Variants in MPI observed in about 807,000 individuals in gnomAD.
MPI encodes mannose-6-phosphate isomerase.
A neutral mutation model predicts 40.1 loss-of-function variants in MPI; 33 were observed. That is an observed-to-expected ratio of 0.82 (90% CI 0.62 to 1.10). The LOEUF is 1.10. Among genes scored for constraint, MPI ranks in the 50% least tolerant of loss-of-function variants. The pLI is 0.00. For synonymous variants in MPI, 187 were observed against 207.4 expected (o/e 0.90, Z 0.85); for missense variants, 514 against 524.1 (o/e 0.98, Z 0.19).
chr15:74,891,409 G>A lies in MPI; in HGVS notation c.175G>A (p.Ala59Thr). Residue 59 changes from alanine to threonine, a missense_variant, in exon 3 of 8, where the codon GCC becomes ACC. Physicochemically the swap from Ala to Thr is moderately conservative, Grantham distance 58 (BLOSUM62 0). Transcript: ENST00000352410. The stretch of plus-strand genomic sequence containing the variant: ...GATGGGGACTCACCCCCGAGGGGAT[G>A]CCAAGATCCTTGACAACCGCATCTC... ...LWMGTHPRGD[A>T]KILDNRISQK... 1 of 1,614,178 alleles carries A rather than the reference G, an allele frequency of 6.2e-7. No homozygotes were observed. Among genetic ancestry groups the A allele is most frequent in the Non-Finnish European group, 8.5e-7 (1 of 1,180,038 alleles).
rs1042476793 is a variant in MPI at position 74,898,171 on chromosome 15, G to C, written c.*441G>C. 9 of 329,004 alleles carry C rather than the reference G, an allele frequency of 2.7e-5. No homozygotes were observed. The highest frequency in any genetic ancestry group is 4.8e-5 in the Non-Finnish European group (8 of 166,084). The allele number at this position is 329,004 out of a possible 1,614,324, so 20.4% of individuals were successfully genotyped here. A position where few individuals can be genotyped will look rare whatever the true frequency, so the allele number is the denominator to read the frequency against. On this transcript the variant is annotated 3_prime_UTR_variant, in exon 8 of 8. Coordinates refer to ENST00000352410, the MANE Select transcript of MPI (RefSeq NM_002435.3). The stretch of plus-strand genomic sequence containing the variant: ...AGGAAAGGGAAAGGGTAGGCCTGTA[G>C]ACTAACGCTGTTTACACCCTTGTTC...
chr15:74,894,733 G>C (rs2064791497), intron 5 of MPI, among the ~76,000 whole-genome samples: 1 of 150,158 alleles, frequency 6.7e-6, no homozygotes, highest in South Asian at 2.1e-4. Context: ...GTTGCAGTGA[G>C]TCTAGATTGC....
At position 74,891,169 on chromosome 15, in the gene MPI, A is replaced by G. The variant is rs1596441786; in HGVS notation, c.145-210A>G. ...AGGGAAATAACTAGTCCAAGTCTTCATAGATGGCTAGAGGCCGAGTCTGGA... is the reference window on the plus strand; with the variant it reads ...AGGGAAATAACTAGTCCAAGTCTTCGTAGATGGCTAGAGGCCGAGTCTGGA... On this transcript the variant is annotated intron_variant, in intron 2 of 7. Transcript: ENST00000352410. 6.3e-6 allele frequency: 4 copies of G among 634,994 alleles called. No homozygotes were observed. The East Asian group carries it at 8.4e-5, about 13-fold the overall frequency. 39.3% of individuals were successfully genotyped at this position (634,994 alleles called of 1,614,324 possible).
intron 6 of MPI, chr15:74,896,548 T>C (rs150459016): frequency 1.5e-6 from 1 of 683,400 alleles, no homozygotes; most frequent in Admixed American, 2.2e-5. Context: ...GATGCCATGC[T>C]ACTCTGATTT....
Position 74,899,637 on chromosome 15 carries a change from A to G in MPI, c.*1907A>G, listed in dbSNP as rs1489803979. ...GATATCCAGGATATTCTTAACTTTTATTTTTTTGAGACGGAGTCTCGCACT... is the reference window on the plus strand; with the variant it reads ...GATATCCAGGATATTCTTAACTTTTGTTTTTTTGAGACGGAGTCTCGCACT... On this transcript the variant is annotated 3_prime_UTR_variant, in exon 8 of 8. Transcript: ENST00000352410. 6.6e-6 allele frequency: 1 copy of G among 152,056 alleles called. No homozygotes were observed. The highest frequency in any genetic ancestry group is 2.4e-5 in the African/African-American group (1 of 41,386). 9.4% of individuals were successfully genotyped at this position (152,056 alleles called of 1,614,324 possible).
In MPI at chr15:74,900,941, G is replaced by A. The variant is rs2064929391; in HGVS notation, c.*3211G>A. Reference sequence around the variant, plus strand: ...GGCACTCACAGGATTACCATCGTAAGGATGGTTGTCAGACAAATAACAAAT... The same window carrying A: ...GGCACTCACAGGATTACCATCGTAAAGATGGTTGTCAGACAAATAACAAAT... On this transcript the variant is annotated 3_prime_UTR_variant, in exon 8 of 8. Coordinates refer to ENST00000352410, the MANE Select transcript of MPI (RefSeq NM_002435.3). The A allele has an allele frequency of 6.6e-6, 1 of 152,190 alleles. No homozygotes were observed. Among genetic ancestry groups the A allele is most frequent in the African/African-American group, 2.4e-5 (1 of 41,444 alleles). The allele number at this position is 152,190 out of a possible 1,614,324, so 9.4% of individuals were successfully genotyped here.
rs547444442 is a variant in MPI at position 74,901,868 on chromosome 15, G to GA, written c.*4141dup. ...GGTGAAGAAACTCACCCAGACCAAG[G>GA]AAATACAAATAAATAAATATGAACA... On this transcript the variant is annotated 3_prime_UTR_variant, in exon 8 of 8. Coordinates refer to ENST00000352410, the MANE Select transcript of MPI (RefSeq NM_002435.3). 1.8e-3 allele frequency: 657 copies of GA among 369,892 alleles called. No individual in the cohort carries two copies. Among genetic ancestry groups the GA allele is most frequent in the Middle Eastern group, 3.5e-3 (5 of 1,448 alleles). The allele number at this position is 369,892 out of a possible 1,614,324, so 22.9% of individuals were successfully genotyped here.
intron 5 of MPI, among the ~76,000 whole-genome samples, chr15:74,894,151 T>G (rs1215013617): frequency 8.2e-6 from 1 of 121,224 alleles, no homozygotes; most frequent in East Asian, 2.2e-4. Context: ...TGGTGCGATC[T>G]TGGCTCACTG....
intron 2 of MPI, 81 bp downstream of exon 2, chr15:74,890,735 G>A: frequency 6.3e-7 from 1 of 1,595,556 alleles, no homozygotes; most frequent in South Asian, 1.1e-5. Flanking sequence ...GAATCAGCTG[G>A]GAAGGGTGAG....
At position 74,901,853 on chromosome 15, in the gene MPI, C is replaced by T. The variant is rs548602139; in HGVS notation, c.*4123C>T. The T allele has an allele frequency of 5.7e-6, 2 of 352,118 alleles. No homozygotes were observed. Among genetic ancestry groups the T allele is most frequent in the South Asian group, 3.0e-4 (2 of 6,614 alleles). 21.8% of individuals were successfully genotyped at this position (352,118 alleles called of 1,614,324 possible). On this transcript the variant is annotated 3_prime_UTR_variant, in exon 8 of 8. Coordinates refer to ENST00000352410, the MANE Select transcript of MPI (RefSeq NM_002435.3). ...TTAGCTCAAAGACTGGGTGAAGAAA[C>T]TCACCCAGACCAAGGAAATACAAAT...
chr15:74,893,648 CG>C, intron 5 of MPI: 1 of 590,974 alleles, frequency 1.7e-6, no homozygotes. Context: ...ACTTGTATCT[CG>C]GGGCTAAAGA....
In MPI at chr15:74,897,260, A is replaced by G. The variant is rs547325667; in HGVS notation, c.1053+41A>G. On this transcript the variant is annotated intron_variant, in intron 7 of 7. Coordinates refer to ENST00000352410, the MANE Select transcript of MPI (RefSeq NM_002435.3). ...TGATGGGTGTCCTTCGTGTGCCATGAAAATCTCTGGCAAGGGTCACGATGT... is the reference window on the plus strand; with the variant it reads ...TGATGGGTGTCCTTCGTGTGCCATGGAAATCTCTGGCAAGGGTCACGATGT... 57 of 1,601,624 alleles carry G rather than the reference A, an allele frequency of 3.6e-5. 3 individuals carry two copies. The South Asian group carries it at 6.1e-4, about 17-fold the overall frequency.
chr15:74,896,023 G>A, intron 5 of MPI, 129 bp from the exon 6 acceptor site: 1 of 1,086,724 alleles, frequency 9.2e-7, no homozygotes, highest in Non-Finnish European at 1.4e-6. Flanking sequence ...GTGGCCAGAA[G>A]GACAGGGCCA....
intron 2 of MPI, 131 bp from the exon 3 acceptor site, chr15:74,891,248 T>C (rs2064721703): frequency 6.1e-6 from 5 of 822,676 alleles, no homozygotes; most frequent in Admixed American, 5.4e-5. Flanking sequence ...TGAACATTTG[T>C]ATCCAGACCT....
At position 74,898,029 on chromosome 15, in the gene MPI, G is replaced by A. The variant is rs551471605; in HGVS notation, c.*299G>A. ...ACTCTGTTCCAGCCTATGGCTTTAG[G>A]CTAGCTGTTAAATATGTGACCCAGC... is the stretch of plus-strand genomic sequence containing the variant. On this transcript the variant is annotated 3_prime_UTR_variant, in exon 8 of 8. Transcript: ENST00000352410. 1.5e-5 allele frequency: 7 copies of A among 461,650 alleles called. No homozygotes were observed. The highest frequency in any genetic ancestry group is 1.4e-4 in the African/African-American group (7 of 50,708). 28.6% of individuals were successfully genotyped at this position (461,650 alleles called of 1,614,324 possible). A position where few individuals can be genotyped will look rare whatever the true frequency, so the allele number is the denominator to read the frequency against.
chr15:74,892,520 C>A, intron 3 of MPI, 141 bp from the exon 4 acceptor site: 1 of 1,271,858 alleles, frequency 7.9e-7, no homozygotes, highest in Non-Finnish European at 1.1e-6. Context: ...CATGCTTTGA[C>A]TGGGCTCCTT....
At chr15:74,893,411 T>G in intron 5 of MPI, 91 bp downstream of exon 5, 1 of 1,460,974 alleles carries the variant, frequency 6.8e-7, no homozygotes, top group Non-Finnish European at 9.6e-7. Flanking sequence ...TCAACCCCCT[T>G]GCCCAAGTGG....
chr15:74,893,974 G>A (rs2064764937), intron 5 of MPI, among the ~76,000 whole-genome samples: 1 of 134,662 alleles, frequency 7.4e-6, no homozygotes, highest in Admixed American at 7.7e-5. Context: ...TACCTCTACA[G>A]GTTTCCCATT....
chr15:74,897,468 A>G, intron 7 of MPI, 44 bp from the exon 8 acceptor site: 1 of 1,586,458 alleles, frequency 6.3e-7, no homozygotes, highest in Non-Finnish European at 8.6e-7. Flanking sequence ...AGCTGATGAG[A>G]GCAGAGTCTG....
Sources: gnomAD v4.1 joint callset for allele counts (sites outside exome capture counted in the v4.1 genomes callset) on GRCh38, gnomAD v4.1.1 for gene constraint, MANE v1.5 for transcripts, NCBI Gene and HGNC (gene_info 2026-07-23, HGNC 2026-07-21) for gene names.